Variants in PPFIBP2 observed in about 807,000 individuals in gnomAD.
The protein encoded by PPFIBP2 is PPFIB scaffold protein 2.
Under a neutral mutation model 118.3 loss-of-function variants are expected in PPFIBP2, and 118 were observed. The observed-to-expected ratio is 1.00, with a 90% confidence interval of 0.86 to 1.16. PPFIBP2 has a LOEUF of 1.16. Ranked by LOEUF, PPFIBP2 falls within the 50% of genes most tolerant of loss-of-function variation. The probability of loss-of-function intolerance (pLI) is 0.00; values close to 1 mark genes in which losing one functional copy is unlikely to be tolerated. For synonymous variants in PPFIBP2, 414 were observed against 397.4 expected, an observed-to-expected ratio of 1.04 and a Z score of -0.50; for missense variants, 1,195 against 1,073.1, an observed-to-expected ratio of 1.11 and a Z score of -1.59.
intron 1 of PPFIBP2, among the ~76,000 whole-genome samples, chr11:7,541,963 T>C (rs1851835123): frequency 6.6e-6 from 1 of 152,202 alleles, no homozygotes; most frequent in African/African-American, 2.4e-5. Flanking sequence ...ATATCAGGAA[T>C]TAGAACATCT....
chr11:7,546,660 C>T (rs1045432683), intron 1 of PPFIBP2, among the ~76,000 whole-genome samples: 6 of 152,224 alleles, frequency 3.9e-5, no homozygotes, highest in Admixed American at 3.9e-4. Context: ...GGCTTTGACT[C>T]ATCTTGAGCA....
At chr11:7,572,613 C>T (rs1454034144) in intron 3 of PPFIBP2, among the ~76,000 whole-genome samples, 1 of 152,228 alleles carries the variant, frequency 6.6e-6, no homozygotes, top group East Asian at 1.9e-4. Flanking sequence ...AGCACGTAGA[C>T]ACCCACTTAC....
chr11:7,623,202 T>C (rs1849565829), intron 7 of PPFIBP2, among the ~76,000 whole-genome samples: 1 of 145,386 alleles, frequency 6.9e-6, no homozygotes, highest in African/African-American at 2.6e-5. Flanking sequence ...TTTTCACTTT[T>C]CTGCTTCAGG....
intron 3 of PPFIBP2, among the ~76,000 whole-genome samples, chr11:7,585,921 G>A (rs926416109): frequency 6.6e-6 from 1 of 152,192 alleles, no homozygotes; most frequent in South Asian, 2.1e-4. Context: ...AAAATTCCCA[G>A]TGTACTCATT....
intron 1 of PPFIBP2, among the ~76,000 whole-genome samples, chr11:7,535,863 T>C (rs527891912): frequency 2.0e-5 from 3 of 151,928 alleles, no homozygotes; most frequent in Admixed American, 2.0e-4. Context: ...CACAGAGACC[T>C]GGTGGCTCAC....
intron 5 of PPFIBP2, among the ~76,000 whole-genome samples, chr11:7,608,682 T>C (rs1179466944): frequency 6.6e-6 from 1 of 152,258 alleles, no homozygotes; most frequent in Admixed American, 6.5e-5. Flanking sequence ...ACTCTGCTGC[T>C]GATTGGCTTG....
intron 1 of PPFIBP2, among the ~76,000 whole-genome samples, chr11:7,519,324 G>T (rs1174728853): frequency 6.6e-6 from 1 of 152,166 alleles, no homozygotes; most frequent in African/African-American, 2.4e-5. Context: ...GAGAATGGAG[G>T]AGAAGGATTT....
chr11:7,580,972 C>T (rs1030559166), intron 3 of PPFIBP2, among the ~76,000 whole-genome samples: 1 of 152,170 alleles, frequency 6.6e-6, no homozygotes, highest in African/African-American at 2.4e-5. Flanking sequence ...TCCCATACTC[C>T]AGATCAAGGT....
intron 1 of PPFIBP2, among the ~76,000 whole-genome samples, chr11:7,527,974 C>A (rs1850372903): frequency 6.6e-6 from 1 of 152,138 alleles, no homozygotes; most frequent in African/African-American, 2.4e-5. Flanking sequence ...CCTTTCAGGG[C>A]TTTAACTGAG....
intron 6 of PPFIBP2, among the ~76,000 whole-genome samples, chr11:7,619,850 C>T (rs974484633): frequency 6.6e-6 from 1 of 152,204 alleles, no homozygotes; most frequent in African/African-American, 2.4e-5. Context: ...TTCCACTTGG[C>T]ACCTGACAGT....
chr11:7,604,851 C>T (rs1158938934), intron 5 of PPFIBP2, among the ~76,000 whole-genome samples: 1 of 152,098 alleles, frequency 6.6e-6, no homozygotes, highest in African/African-American at 2.4e-5. Context: ...AGGGAGAGTC[C>T]AGGACCATGT....
rs886775961 is a variant in PPFIBP2 at position 7,642,424 on chromosome 11, A to G, written c.1644A>G (p.Lys548=). 3 of 1,612,814 alleles carry G rather than the reference A, an allele frequency of 1.9e-6. No homozygotes were observed. Among genetic ancestry groups the G allele is most frequent in the Non-Finnish European group, 2.5e-6 (3 of 1,179,366 alleles). Residue 548 remains lysine (K), a splice_region_variant and synonymous_variant, in exon 17 of 24, where the codon AAA becomes AAG. Coordinates refer to ENST00000299492, the MANE Select transcript of PPFIBP2 (RefSeq NM_003621.5). The part of the protein sequence containing the change: ...LSRTRDSKGQ[K]SDANAPFAQW... Reference sequence around the variant, plus strand: ...GGACCAGGGACTCCAAGGGACAGAAAAGGTAAGGCTTGACCCACTTTCCTT... The same window carrying G: ...GGACCAGGGACTCCAAGGGACAGAAGAGGTAAGGCTTGACCCACTTTCCTT...
At chr11:7,656,940 A>G (rs1321647987), downstream of PPFIBP2, 1 of 542,352 alleles carries the variant, frequency 1.8e-6, no homozygotes, top group Non-Finnish European at 3.1e-6. Flanking sequence ...ACAGGCATGA[A>G]GCAGAGCTGT....
At chr11:7,558,656 T>G (rs1200988355) in intron 2 of PPFIBP2, among the ~76,000 whole-genome samples, 1 of 151,800 alleles carries the variant, frequency 6.6e-6, no homozygotes, top group Non-Finnish European at 1.5e-5. Context: ...CTCGGGAGGC[T>G]GAGGCAGGAG....
At chr11:7,640,984 G>A (rs1348131706) in intron 15 of PPFIBP2, 1 of 1,225,982 alleles carries the variant, frequency 8.2e-7, no homozygotes, top group African/African-American at 1.6e-5. Flanking sequence ...CTGGACTTTG[G>A]CCTCTCTTGT....
Position 7,565,583 on chromosome 11 carries a change from G to A in PPFIBP2, c.95G>A (p.Gly32Asp), listed in dbSNP as rs993238754. ...GTKTGADLSDGTCEPGLASPA... is the reference protein window; with the variant it reads ...GTKTGADLSDDTCEPGLASPA... ...AAAACAGGTGCAGATCTTAGTGATGGTACTTGTGAGCCTGGACTGGCTTCC... is the reference window on the plus strand; with the variant it reads ...AAAACAGGTGCAGATCTTAGTGATGATACTTGTGAGCCTGGACTGGCTTCC... The change falls in exon 3 of 24, where the codon GGT (glycine) becomes GAT (aspartate). Residue 32 changes from glycine (G) to aspartate (D), a missense_variant. Transcript: ENST00000299492. 1.9e-6 allele frequency: 3 copies of A among 1,614,148 alleles called. No individual in the cohort carries two copies. The highest frequency in any genetic ancestry group is 1.7e-5 in the Admixed American group (1 of 60,022).
At chr11:7,606,946 T>C (rs1346153286) in intron 5 of PPFIBP2, among the ~76,000 whole-genome samples, 1 of 121,632 alleles carries the variant, frequency 8.2e-6, no homozygotes, top group Non-Finnish European at 1.6e-5. Flanking sequence ...AGTCTCACTG[T>C]GTCGCCCAGG....
At chr11:7,608,268 G>C (rs997368401) in intron 5 of PPFIBP2, among the ~76,000 whole-genome samples, 3 of 152,146 alleles carry the variant, frequency 2.0e-5, no homozygotes, top group African/African-American at 7.2e-5. Context: ...TAAAATGCTT[G>C]GACTTCTTTC....
chr11:7,543,044 C>G (rs188693703), intron 1 of PPFIBP2, among the ~76,000 whole-genome samples: 1 of 152,232 alleles, frequency 6.6e-6, no homozygotes, highest in East Asian at 1.9e-4. Flanking sequence ...ACTCTCTCTC[C>G]TTTGCCCTTT....
Sources: allele counts gnomAD v4.1 joint callset (sites outside exome capture counted in the v4.1 genomes callset), GRCh38; gene constraint gnomAD v4.1.1; transcripts MANE v1.5; gene names NCBI Gene and HGNC (gene_info 2026-07-23, HGNC 2026-07-21).